ANKRD42: variants seen among roughly 807,000 people sequenced by gnomAD.
ANKRD42 encodes the protein ankyrin repeat domain-containing protein 42.
A neutral mutation model predicts 51.5 loss-of-function variants in ANKRD42; 43 were observed. That is an observed-to-expected ratio of 0.83 (90% confidence interval 0.65 to 1.08). ANKRD42 has a LOEUF of 1.08. ANKRD42 is among the 50% of genes least tolerant of loss of function. The pLI, the probability that ANKRD42 is intolerant of heterozygous loss-of-function variation, is 0.00. For missense variants in ANKRD42, 608 were observed against 629.3 expected (o/e 0.97, Z 0.36); for synonymous variants, 203 against 213.0 (o/e 0.95, Z 0.41).
chr11:83,257,216 A>C, downstream of ANKRD42: 1 of 429,552 alleles, frequency 2.3e-6, no homozygotes, highest in South Asian at 1.7e-5. Context: ...TTTAGTGTCC[A>C]TGTGAGATAG....
intron 3 of ANKRD42, 130 bp from the exon 4 acceptor site, chr11:83,210,170 A>G: frequency 1.2e-6 from 1 of 836,384 alleles, no homozygotes; most frequent in Non-Finnish European, 1.8e-6. Flanking sequence ...TGCCTGTAGC[A>G]CATATGTAAG....
intron 6 of ANKRD42, among the ~76,000 whole-genome samples, chr11:83,227,006 G>A (rs1285113926): frequency 6.6e-6 from 1 of 152,234 alleles, no homozygotes; most frequent in African/African-American, 2.4e-5. Flanking sequence ...GAACCCTTAG[G>A]ATTCCAAGGG....
At chr11:83,243,347 C>A (rs1370916327) in intron 9 of ANKRD42, among the ~76,000 whole-genome samples, 1 of 152,094 alleles carries the variant, frequency 6.6e-6, no homozygotes, top group Non-Finnish European at 1.5e-5. Context: ...ACATCACAGA[C>A]ACTGCATAAA....
downstream of ANKRD42, among the ~76,000 whole-genome samples, chr11:83,250,679 TA>T (rs994296674): frequency 6.6e-6 from 1 of 151,396 alleles, no homozygotes; most frequent in Non-Finnish European, 1.5e-5. Flanking sequence ...GTGCTTGAAT[TA>T]AAAAAAAATG....
chr11:83,254,423 CTTTT>C (rs1555001125), intron 11 of ANKRD42, among the ~76,000 whole-genome samples: 1 of 132,460 alleles, frequency 7.5e-6, no homozygotes, highest in Non-Finnish European at 1.6e-5. Flanking sequence ...GAGTGTTTTT[CTTTT>C]TTCTTTTCTT....
At chr11:83,197,713 C>T (rs536223902) in intron 1 of ANKRD42, among the ~76,000 whole-genome samples, 1 of 152,266 alleles carries the variant, frequency 6.6e-6, no homozygotes, top group East Asian at 1.9e-4. Flanking sequence ...TTTATTGCCT[C>T]TGGTTCACAA....
intron 10 of ANKRD42, 54 bp downstream of exon 10, chr11:83,245,678 T>C: frequency 1.4e-6 from 2 of 1,476,590 alleles, no homozygotes; most frequent in Non-Finnish European, 1.8e-6. Flanking sequence ...CTAAATGCCA[T>C]GTGAGGGTTT....
chr11:83,220,115 C>G (rs1317965758), intron 5 of ANKRD42, among the ~76,000 whole-genome samples: 1 of 152,186 alleles, frequency 6.6e-6, no homozygotes. Context: ...GGACCATTGT[C>G]TCAACCAGGA....
intron 4 of ANKRD42, 104 bp from the exon 5 acceptor site, chr11:83,211,191 A>G: frequency 6.9e-7 from 1 of 1,455,204 alleles, no homozygotes; most frequent in Non-Finnish European, 9.6e-7. Flanking sequence ...GCCTTCTTGT[A>G]TTAAGAACAG....
At chr11:83,213,312 G>T in intron 5 of ANKRD42, 1 of 1,589,204 alleles carries the variant, frequency 6.3e-7, no homozygotes, top group South Asian at 1.1e-5. Context: ...TTTCCTCCAA[G>T]AACTGCAAAG....
chr11:83,225,782 G>GA (rs59860833), intron 6 of ANKRD42, among the ~76,000 whole-genome samples: 23,420 of 88,318 alleles, frequency 0.27, 2,888 homozygotes, highest in Admixed American at 0.34. Flanking sequence ...CTCCATCCTG[G>GA]AAAAAAAAAA....
intron 5 of ANKRD42, among the ~76,000 whole-genome samples, chr11:83,216,880 C>T (rs1419610947): frequency 2.0e-5 from 3 of 152,200 alleles, no homozygotes; most frequent in Admixed American, 6.5e-5. Context: ...TAAAACAGGA[C>T]ACCCCAACTG....
intron 5 of ANKRD42, among the ~76,000 whole-genome samples, chr11:83,212,060 C>T (rs1862343717): frequency 6.6e-6 from 1 of 151,940 alleles, no homozygotes; most frequent in Non-Finnish European, 1.5e-5. Flanking sequence ...CTCTCTGCCC[C>T]ATAGACAACT....
At chr11:83,233,472 C>CT (rs921252380) in intron 7 of ANKRD42, among the ~76,000 whole-genome samples, 2 of 151,946 alleles carry the variant, frequency 1.3e-5, no homozygotes, top group Non-Finnish European at 2.9e-5. Context: ...GATCTTCTCT[C>CT]TTTTTTTCTT....
chr11:83,244,709 A>T (rs1422459543), intron 9 of ANKRD42, among the ~76,000 whole-genome samples: 1 of 152,222 alleles, frequency 6.6e-6, no homozygotes, highest in Non-Finnish European at 1.5e-5. Context: ...TCATAGTTCT[A>T]ATAGTTGGAG....
At chr11:83,260,602 C>G (rs1445836707), downstream of ANKRD42, 1 of 152,156 alleles carries the variant, frequency 6.6e-6, no homozygotes, top group Non-Finnish European at 1.5e-5. Context: ...ACTGCAGATT[C>G]CCTGTTTATA....
At chr11:83,252,806 A>G (rs546948260), downstream of ANKRD42, among the ~76,000 whole-genome samples, 219 of 151,730 alleles carry the variant, frequency 1.4e-3, no homozygotes, top group African/African-American at 4.6e-3. Context: ...TATATATTGT[A>G]CTTAAAACAT....
chr11:83,238,420 G>A (rs1863283931), intron 8 of ANKRD42, among the ~76,000 whole-genome samples: 1 of 152,222 alleles, frequency 6.6e-6, no homozygotes, highest in Non-Finnish European at 1.5e-5. Flanking sequence ...TAGGGGCTGG[G>A]TGCAGTGGCT....
chr11:83,194,761 T>C (rs1356149234), intron 1 of ANKRD42, 33 bp downstream of exon 1: 2 of 1,536,916 alleles, frequency 1.3e-6, no homozygotes, highest in South Asian at 2.5e-5. Context: ...TTCATCTCTG[T>C]CGTATTCCTT....
Sources: gnomAD v4.1 joint callset for allele counts (sites outside exome capture counted in the v4.1 genomes callset) on GRCh38, gnomAD v4.1.1 for gene constraint, MANE v1.5 for transcripts, NCBI Gene and HGNC (gene_info 2026-07-23, HGNC 2026-07-21) for gene names.